The following ST8SIA6 variants were observed in gnomAD, a reference collection of about 807,000 sequenced individuals.
ST8SIA6 encodes the protein alpha-2,8-sialyltransferase 8F.
A neutral mutation model predicts 33.6 loss-of-function variants in ST8SIA6; 39 were observed. The ratio of observed to expected loss-of-function variants is 1.16; its 90% CI spans 0.90 to 1.52. The LOEUF is 1.52. Ranked by LOEUF, ST8SIA6 falls within the 40% of genes most tolerant of loss-of-function variation. ST8SIA6 has a pLI of 0.00. For missense variants in ST8SIA6, 441 were observed against 443.8 expected, an observed-to-expected ratio of 0.99 and a Z score of 0.06; for synonymous variants, 172 against 167.2, an observed-to-expected ratio of 1.03 and a Z score of -0.22.
chr10:17,429,884 T>G (rs1564460680), intron 2 of ST8SIA6, among the ~76,000 whole-genome samples: 5 of 152,204 alleles, frequency 3.3e-5, no homozygotes. Flanking sequence ...TTCCAAATAT[T>G]TATATTCTTT....
At chr10:17,452,917 T>C (rs540275869) in intron 2 of ST8SIA6, among the ~76,000 whole-genome samples, 3 of 152,260 alleles carry the variant, frequency 2.0e-5, no homozygotes, top group South Asian at 4.2e-4. Context: ...GGAAGAAATA[T>C]AGACCAAAAC....
At chr10:17,340,800 C>A (rs1248382579) in intron 4 of ST8SIA6, among the ~76,000 whole-genome samples, 2 of 152,218 alleles carry the variant, frequency 1.3e-5, no homozygotes, top group African/African-American at 4.8e-5. Flanking sequence ...TTTGGAAGAA[C>A]TTCTTTAACA....
At chr10:17,368,106 A>G (rs1300822204) in intron 3 of ST8SIA6, among the ~76,000 whole-genome samples, 1 of 151,854 alleles carries the variant, frequency 6.6e-6, no homozygotes, top group African/African-American at 2.4e-5. Context: ...ACAAAAATCT[A>G]TGTTCTCCGC....
chr10:17,416,541 A>G (rs906176798), intron 2 of ST8SIA6, among the ~76,000 whole-genome samples: 1 of 152,156 alleles, frequency 6.6e-6, no homozygotes, highest in Admixed American at 6.5e-5. Context: ...AGTCTTCCCC[A>G]TCTCTATGGA....
chr10:17,379,665 G>A (rs889933221), intron 3 of ST8SIA6, among the ~76,000 whole-genome samples: 2 of 152,088 alleles, frequency 1.3e-5, no homozygotes, highest in African/African-American at 4.8e-5. Flanking sequence ...TCCTGCCTTT[G>A]CTTCAAGCTG....
intron 4 of ST8SIA6, among the ~76,000 whole-genome samples, chr10:17,358,697 G>GAATAA (rs1849282941): frequency 1.6e-5 from 1 of 63,528 alleles, no homozygotes; most frequent in African/African-American, 6.6e-5. Flanking sequence ...AGAGGAAAAA[G>GAATAA]GAGGAGGAGG....
At position 17,317,483 on chromosome 10, in the gene ST8SIA6, G is replaced by A. The variant is rs1431768700; in HGVS notation, c.*3395C>T. 6.6e-6 allele frequency among the ~76,000 whole-genome samples: 1 copy of A among 152,112 alleles called. No individual in the cohort carries two copies. Among genetic ancestry groups the A allele is most frequent in the East Asian group, 1.9e-4 (1 of 5,194 alleles). ...GATATATCAGATGAATTCCTACAAT[G>A]CCTTCAATTTTTAATGGCATAATAA... On this transcript the variant is annotated 3_prime_UTR_variant, in exon 8 of 8. Transcript: ENST00000377602.
chr10:17,323,041 G>C, intron 7 of ST8SIA6, 24 bp downstream of exon 7: 2 of 1,588,160 alleles, frequency 1.3e-6, no homozygotes, highest in South Asian at 1.1e-5. Flanking sequence ...TTCCTGATCA[G>C]TTATGTAACT....
At chr10:17,347,791 C>T (rs911918946) in intron 4 of ST8SIA6, among the ~76,000 whole-genome samples, 1 of 151,740 alleles carries the variant, frequency 6.6e-6, no homozygotes, top group Admixed American at 6.6e-5. Flanking sequence ...AAAAATTAGC[C>T]GGGCGTGGTG....
intron 4 of ST8SIA6, among the ~76,000 whole-genome samples, chr10:17,346,026 GAA>G (rs1848821206): frequency 6.6e-6 from 1 of 152,222 alleles, no homozygotes; most frequent in Non-Finnish European, 1.5e-5. Context: ...CGAGGTCATA[GAA>G]AGTGTTGTGG....
At chr10:17,365,447 A>G (rs542896879) in intron 3 of ST8SIA6, among the ~76,000 whole-genome samples, 127 of 152,286 alleles carry the variant, frequency 8.3e-4, no homozygotes, top group African/African-American at 3.0e-3. Flanking sequence ...GTCCAAAAAT[A>G]TTAAATGGAA....
At chr10:17,334,064 TAGC>T (rs528913925) in intron 4 of ST8SIA6, among the ~76,000 whole-genome samples, 343 of 151,532 alleles carry the variant, frequency 2.3e-3, no homozygotes, top group African/African-American at 8.1e-3. Context: ...CCCTGGATTG[TAGC>T]ATGGTGACTT....
chr10:17,421,040 A>G (rs716098), intron 2 of ST8SIA6, among the ~76,000 whole-genome samples: 65,397 of 152,004 alleles, frequency 0.43, 14,816 homozygotes, highest in East Asian at 0.61. Context: ...ATCCAGCCCC[A>G]TGATCCAATC....
intron 4 of ST8SIA6, among the ~76,000 whole-genome samples, chr10:17,347,558 G>C (rs563661905): frequency 6.6e-6 from 1 of 152,110 alleles, no homozygotes; most frequent in African/African-American, 2.4e-5. Context: ...GAAAAAGCAG[G>C]ACTGTGAAAT....
rs150639098 is a variant in ST8SIA6 at position 17,419,585 on chromosome 10, G to A, written c.201-28965C>T. ...AAAAATAACGACTCCACACAGTCGC[G>A]TTTCCATTGCCTCCTTTATGGCTAG... On this transcript the variant is annotated intron_variant, in intron 2 of 7. Transcript: ENST00000377602. 8.6e-3 allele frequency among the ~76,000 whole-genome samples: 1,313 copies of A among 152,222 alleles called. 10 individuals carry two copies. Among genetic ancestry groups the A allele is most frequent in the Non-Finnish European group, 0.014 (930 of 68,014 alleles).
intron 3 of ST8SIA6, among the ~76,000 whole-genome samples, chr10:17,366,157 G>A (rs1037912787): frequency 3.3e-5 from 5 of 152,176 alleles, no homozygotes; most frequent in Admixed American, 2.0e-4. Context: ...CAGTGGCACC[G>A]ACATTTCATC....
At chr10:17,377,640 ATTT>A (rs1333343069) in intron 3 of ST8SIA6, among the ~76,000 whole-genome samples, 2 of 152,152 alleles carry the variant, frequency 1.3e-5, no homozygotes. Flanking sequence ...CAACTGCCTA[ATTT>A]TCATTTATTC....
At chr10:17,411,712 T>C (rs112853615) in intron 2 of ST8SIA6, among the ~76,000 whole-genome samples, 16 of 152,360 alleles carry the variant, frequency 1.1e-4, no homozygotes, top group African/African-American at 3.6e-4. Flanking sequence ...AAGACCTCTT[T>C]TCCAAGACAT....
chr10:17,373,891 T>A (rs11254563), intron 3 of ST8SIA6, among the ~76,000 whole-genome samples: 3 of 151,866 alleles, frequency 2.0e-5, no homozygotes, highest in African/African-American at 4.8e-5. Context: ...AGCAAGCCAG[T>A]GTTTCCATTT....
Sources: allele counts gnomAD v4.1 joint callset (sites outside exome capture counted in the v4.1 genomes callset), GRCh38; gene constraint gnomAD v4.1.1; transcripts MANE v1.5; gene names NCBI Gene and HGNC (gene_info 2026-07-23, HGNC 2026-07-21).